Variants in DOCK10 observed in about 807,000 individuals in gnomAD.
DOCK10 encodes dedicator of cytokinesis 10, also known as dedicator of cytokinesis protein 10.
In DOCK10, 145 loss-of-function variants were observed where a neutral mutation model predicts 280.1. The ratio of observed to expected loss-of-function variants is 0.52; its 90% CI spans 0.45 to 0.59. The LOEUF is 0.59. DOCK10 is among the 20% of genes least tolerant of loss of function. The pLI, the probability that DOCK10 is intolerant of heterozygous loss-of-function variation, is 0.00. For synonymous variants in DOCK10, 915 were observed against 942.2 expected (o/e 0.97, Z 0.53); for missense variants, 2,368 against 2,651.7 (o/e 0.89, Z 2.35).
At chr2:224,903,103 A>T (rs997573633) in intron 3 of DOCK10, among the ~76,000 whole-genome samples, 2 of 152,214 alleles carry the variant, frequency 1.3e-5, no homozygotes, top group Non-Finnish European at 2.9e-5. Context: ...GTCTCAAAAA[A>T]CCAAAACAAA....
In DOCK10 at chr2:224,898,589, T is replaced by C. The variant is rs565376744; in HGVS notation, c.334-2212A>G. On this transcript the variant is annotated intron_variant, in intron 3 of 55. Coordinates refer to ENST00000258390, the MANE Select transcript of DOCK10 (RefSeq NM_014689.3). ...GGAAATAAGAGGAAAATTGAGCCTT[T>C]TTTTTGAGACGGAGTCTCGCTCTGT... Among the ~76,000 whole-genome samples, 59 of 152,312 alleles carry C rather than the reference T, an allele frequency of 3.9e-4. 2 individuals are homozygous for C. The South Asian group carries it at 9.7e-3, about 25-fold the overall frequency.
intron 3 of DOCK10, among the ~76,000 whole-genome samples, chr2:224,902,264 AT>A (rs968149343): frequency 2.0e-5 from 3 of 151,288 alleles, no homozygotes; most frequent in African/African-American, 7.3e-5. Context: ...AGCAAGTAAC[AT>A]TTTTTTTTCA....
At position 224,778,223 on chromosome 2, in the gene DOCK10, A is replaced by G. The variant is rs1205018742; in HGVS notation, c.5717T>C (p.Leu1906Pro). 1 of 1,611,972 alleles carries G rather than the reference A, an allele frequency of 6.2e-7. No homozygotes were observed. The highest frequency in any genetic ancestry group is 1.1e-5 in the South Asian group (1 of 90,776). ...GAGTAATCTTTGGGAAATCTCGGAC[A>G]GACCTGTCAGCTTAGGCTCTTTATA... ...YIYKEPKLTG[L>P]SEISQRLLKL... The change falls in exon 51 of 56, where the codon CTG becomes CCG. Residue 1906 changes from leucine (L) to proline (P), a missense_variant. Around this residue, in one of 2 missense-constraint regions of DOCK10, gnomAD observed 1,159 missense variants for 1,400.8 expected, o/e 0.83. Transcript: ENST00000258390.
chr2:225,024,493 G>C (rs1022625324), intron 1 of DOCK10, among the ~76,000 whole-genome samples: 2 of 152,186 alleles, frequency 1.3e-5, no homozygotes, highest in African/African-American at 4.8e-5. Context: ...TGGGGGATCT[G>C]AAGGAAGGGT....
chr2:224,846,315 G>A (rs1039838981), intron 19 of DOCK10, among the ~76,000 whole-genome samples: 5 of 152,140 alleles, frequency 3.3e-5, no homozygotes, highest in African/African-American at 9.7e-5. Flanking sequence ...TAAGGGACAC[G>A]AATTGAATAA....
chr2:224,795,611 C>A (rs1297768860), intron 44 of DOCK10, among the ~76,000 whole-genome samples: 1 of 152,196 alleles, frequency 6.6e-6, no homozygotes, highest in African/African-American at 2.4e-5. Flanking sequence ...TTTCTGAGAA[C>A]ATGCCCAGGG....
At chr2:224,797,170 A>G in intron 42 of DOCK10, 24 bp from the exon 43 acceptor site, 1 of 1,575,858 alleles carries the variant, frequency 6.3e-7, no homozygotes, top group Non-Finnish European at 8.6e-7. Flanking sequence ...AGAACGGGTG[A>G]AGGGAGCAAC....
chr2:224,849,315 A>C (rs891928912), intron 19 of DOCK10, among the ~76,000 whole-genome samples, 192 bp downstream of exon 19: 4 of 152,206 alleles, frequency 2.6e-5, no homozygotes, highest in African/African-American at 9.7e-5. Context: ...GTCCTGAAAT[A>C]CATGAATTTG....
At chr2:225,036,844 G>A (rs1193900272) in intron 1 of DOCK10, among the ~76,000 whole-genome samples, 1 of 151,278 alleles carries the variant, frequency 6.6e-6, no homozygotes, top group African/African-American at 2.4e-5. Flanking sequence ...TAATAGTGAT[G>A]TATTTTATTT....
At chr2:224,865,427 A>C (rs1166052809) in intron 11 of DOCK10, among the ~76,000 whole-genome samples, 1 of 152,192 alleles carries the variant, frequency 6.6e-6, no homozygotes, top group Non-Finnish European at 1.5e-5. Flanking sequence ...GAAATCCTAG[A>C]AGTTTCGAGA....
chr2:224,885,601 C>T, intron 7 of DOCK10, 70 bp downstream of exon 7: 2 of 1,451,486 alleles, frequency 1.4e-6, no homozygotes, highest in Non-Finnish European at 1.8e-6. Flanking sequence ...TCAGATACTC[C>T]ATGAATATTT....
chr2:224,781,867 G>C (rs1018865440), intron 50 of DOCK10, among the ~76,000 whole-genome samples: 2 of 152,112 alleles, frequency 1.3e-5, no homozygotes, highest in African/African-American at 4.8e-5. Flanking sequence ...TGCTTTTGCA[G>C]GTACTTCAGA....
At chr2:224,946,561 C>T (rs1360102023) in intron 1 of DOCK10, among the ~76,000 whole-genome samples, 2 of 152,046 alleles carry the variant, frequency 1.3e-5, no homozygotes, top group Non-Finnish European at 2.9e-5. Flanking sequence ...TTAATTTGTA[C>T]CATAATACTA....
intron 1 of DOCK10, among the ~76,000 whole-genome samples, chr2:224,992,524 C>T (rs1706158012): frequency 1.3e-5 from 2 of 152,198 alleles, no homozygotes; most frequent in Admixed American, 1.3e-4. Context: ...AAGTTTAAGT[C>T]CAGCAGGAAT....
chr2:224,999,054 G>A (rs1289702762), intron 1 of DOCK10, among the ~76,000 whole-genome samples: 1 of 152,070 alleles, frequency 6.6e-6, no homozygotes, highest in Non-Finnish European at 1.5e-5. Context: ...GGGTGTGATG[G>A]TATACACCTG....
At chr2:225,008,135 A>G (rs1024863972) in intron 1 of DOCK10, among the ~76,000 whole-genome samples, 2 of 152,190 alleles carry the variant, frequency 1.3e-5, no homozygotes, top group South Asian at 4.1e-4. Flanking sequence ...TGTACCAAAC[A>G]TGGGATTAGT....
At chr2:224,949,949 C>T (rs1323915901) in intron 1 of DOCK10, among the ~76,000 whole-genome samples, 3 of 152,156 alleles carry the variant, frequency 2.0e-5, no homozygotes, top group Non-Finnish European at 4.4e-5. Flanking sequence ...TGCCTGTCTA[C>T]TGCCCAGGGT....
chr2:224,844,939 T>G, intron 21 of DOCK10, 100 bp from the exon 22 acceptor site: 1 of 923,976 alleles, frequency 1.1e-6, no homozygotes, highest in Non-Finnish European at 1.7e-6. Context: ...GATCCATTAA[T>G]CTTATATCAG....
At chr2:224,969,308 C>T (rs776562086) in intron 1 of DOCK10, among the ~76,000 whole-genome samples, 4 of 152,168 alleles carry the variant, frequency 2.6e-5, no homozygotes, top group Non-Finnish European at 5.9e-5. Context: ...TCTTTAATGA[C>T]CTTAACCACA....
Sources: gnomAD v4.1 joint callset for allele counts (sites outside exome capture counted in the v4.1 genomes callset) on GRCh38, gnomAD v4.1.1 for gene constraint, gnomAD v4.1.1 regional missense constraint, MANE v1.5 for transcripts, NCBI Gene and HGNC (gene_info 2026-07-23, HGNC 2026-07-21) for gene names.